FAR2: variants seen among roughly 807,000 people sequenced by gnomAD.
FAR2 encodes epididymis secretory protein Li 81.
FAR2 carries 19 observed loss-of-function variants against 56.0 expected under a neutral mutation model. The ratio of observed to expected loss-of-function variants is 0.34; its 90% CI spans 0.24 to 0.50. The LOEUF (loss-of-function observed/expected upper bound fraction) is 0.50. Among genes scored for constraint, FAR2 ranks in the 20% least tolerant of loss-of-function variants. The pLI is 0.98. For missense variants in FAR2, 508 were observed against 642.2 expected (o/e 0.79, Z 2.26); for synonymous variants, 219 against 218.8 (o/e 1.00, Z -0.01).
chr12:29,333,264 A>G (rs960095983), intron 11 of FAR2: 1 of 240,982 alleles, frequency 4.1e-6, no homozygotes, highest in Admixed American at 5.2e-5. Context: ...CAAAACAGGA[A>G]GGAGGAACCT....
intron 1 of FAR2, chr12:29,156,725 C>G (rs974025186): frequency 9.9e-5 from 15 of 152,008 alleles, no homozygotes; most frequent in African/African-American, 3.1e-4. Context: ...GACAGAAATA[C>G]AAATTTCTCT....
chr12:29,188,238 CT>C (rs1488043292), intron 1 of FAR2, among the ~76,000 whole-genome samples: 2 of 152,064 alleles, frequency 1.3e-5, no homozygotes, highest in Non-Finnish European at 2.9e-5. Flanking sequence ...AATTTTTCCA[CT>C]GTTGTTTTCT....
At chr12:29,249,772 C>A (rs1417688490) in intron 1 of FAR2, among the ~76,000 whole-genome samples, 1 of 152,056 alleles carries the variant, frequency 6.6e-6, no homozygotes, top group Non-Finnish European at 1.5e-5. Context: ...GTAAAAAACT[C>A]CAAATCATAG....
chr12:29,330,744 G>A (rs1403403526), intron 10 of FAR2, among the ~76,000 whole-genome samples: 2 of 152,130 alleles, frequency 1.3e-5, no homozygotes, highest in Non-Finnish European at 2.9e-5. Context: ...AGAAAATCGT[G>A]TAGCCATTTT....
chr12:29,186,860 C>T (rs570671295), intron 1 of FAR2, among the ~76,000 whole-genome samples: 258 of 152,124 alleles, frequency 1.7e-3, no homozygotes, highest in Non-Finnish European at 2.4e-3. Context: ...GCAATCTCGG[C>T]TCACTGTAAG....
intron 2 of FAR2, chr12:29,277,733 C>T (rs1225196119): frequency 1.3e-5 from 2 of 152,166 alleles, no homozygotes; most frequent in African/African-American, 4.8e-5. Flanking sequence ...GCATTTCTTT[C>T]AGGTAGATGC....
At chr12:29,178,762 C>G (rs1949964150) in intron 1 of FAR2, among the ~76,000 whole-genome samples, 1 of 152,192 alleles carries the variant, frequency 6.6e-6, no homozygotes, top group Non-Finnish European at 1.5e-5. Context: ...AAATATCTTC[C>G]TTTGCTGACA....
intron 9 of FAR2, among the ~76,000 whole-genome samples, chr12:29,320,814 A>AAG (rs746138603): frequency 1.2e-4 from 18 of 152,192 alleles, no homozygotes; most frequent in Non-Finnish European, 2.4e-4. Flanking sequence ...GAGGTGCACA[A>AAG]AGAAGATCTG....
intron 2 of FAR2, among the ~76,000 whole-genome samples, chr12:29,286,928 A>G (rs1476478290): frequency 6.6e-6 from 1 of 152,234 alleles, no homozygotes; most frequent in Non-Finnish European, 1.5e-5. Context: ...AGGTCACAGA[A>G]TACGATAGTC....
At chr12:29,267,071 G>A (rs576421645) in intron 1 of FAR2, among the ~76,000 whole-genome samples, 1 of 152,004 alleles carries the variant, frequency 6.6e-6, no homozygotes, top group Non-Finnish European at 1.5e-5. Context: ...AAGAAGTAGG[G>A]TACCTCAACA....
chr12:29,183,426 C>G (rs140563284), intron 1 of FAR2, among the ~76,000 whole-genome samples: 1,621 of 152,256 alleles, frequency 0.011, 22 homozygotes, highest in Non-Finnish European at 0.018. Context: ...CTCGAAGAGA[C>G]TAGAAATTGA....
Position 29,202,038 on chromosome 12 carries a change from G to C in FAR2, c.-39+52631G>C, listed in dbSNP as rs145799752. 2.0e-4 allele frequency among the ~76,000 whole-genome samples: 31 copies of C among 152,108 alleles called. 1 individual carries two copies. The East Asian group carries it at 6.0e-3, about 29-fold the overall frequency. ...TATACCACATAGAGGATTTTTTTGT[G>C]TATTTGATATAATTTTTAAAAAGAG... is the stretch of plus-strand genomic sequence containing the variant. On this transcript the variant is annotated intron_variant, in intron 1 of 11. Transcript: ENST00000536681.
At position 29,259,237 on chromosome 12, in the gene FAR2, G is replaced by A. The variant is rs566950990; in HGVS notation, c.-38-11175G>A. On this transcript the variant is annotated intron_variant, in intron 1 of 11. Transcript: ENST00000536681. ...CACGCCTGGCAGATAGGGTCAGGTG[G>A]GTGTAGTAATTTTTCGCATCTAATG... 3.3e-5 allele frequency among the ~76,000 whole-genome samples: 5 copies of A among 152,252 alleles called. No homozygotes were observed. In the South Asian group the frequency reaches 1.0e-3, roughly 32 times the overall value.
At chr12:29,257,877 C>G (rs1359301809) in intron 1 of FAR2, among the ~76,000 whole-genome samples, 1 of 152,196 alleles carries the variant, frequency 6.6e-6, no homozygotes, top group East Asian at 1.9e-4. Context: ...AAGAACCCAC[C>G]AATTCCGGCC....
chr12:29,299,367 C>A (rs1456218642), intron 4 of FAR2, among the ~76,000 whole-genome samples: 2 of 152,148 alleles, frequency 1.3e-5, no homozygotes, highest in Admixed American at 6.5e-5. Flanking sequence ...AATAAACTCA[C>A]CTCCCAGAGG....
chr12:29,184,674 C>T (rs556281820), intron 1 of FAR2, among the ~76,000 whole-genome samples: 3 of 151,980 alleles, frequency 2.0e-5, no homozygotes, highest in East Asian at 1.9e-4. Context: ...TGACATCAAG[C>T]GATCCACCCA....
At chr12:29,320,009 C>A (rs993173401) in intron 9 of FAR2, among the ~76,000 whole-genome samples, 20 of 152,220 alleles carry the variant, frequency 1.3e-4, no homozygotes, top group African/African-American at 4.6e-4. Context: ...CAAGACCAGA[C>A]TAGGCAACAT....
chr12:29,197,125 A>G (rs996632690), intron 1 of FAR2, among the ~76,000 whole-genome samples: 5 of 152,216 alleles, frequency 3.3e-5, no homozygotes, highest in Non-Finnish European at 7.4e-5. Context: ...TATGAATAGC[A>G]TAACGGTATT....
intron 1 of FAR2, among the ~76,000 whole-genome samples, chr12:29,168,101 G>A (rs535958175): frequency 2.6e-4 from 39 of 152,244 alleles, no homozygotes; most frequent in African/African-American, 8.9e-4. Flanking sequence ...TCTTGATAAC[G>A]TGTCAGTCAA....
Sources: allele counts gnomAD v4.1 joint callset (sites outside exome capture counted in the v4.1 genomes callset), GRCh38; gene constraint gnomAD v4.1.1; transcripts MANE v1.5; gene names NCBI Gene and HGNC (gene_info 2026-07-23, HGNC 2026-07-21).